The following MGLL variants were observed in gnomAD, a reference collection of about 807,000 sequenced individuals.
MGLL encodes the protein lysophospholipase homolog.
MGLL carries 7 observed loss-of-function variants against 29.1 expected under a neutral mutation model. The ratio of observed to expected loss-of-function variants is 0.24; its 90% CI spans 0.14 to 0.45. MGLL has a LOEUF of 0.45. Ranked by LOEUF, MGLL falls within the 20% of genes least tolerant of loss-of-function variation. The pLI is 0.99. For missense variants in MGLL, 356 were observed against 413.6 expected (o/e 0.86, Z 1.21); for synonymous variants, 148 against 168.3 (o/e 0.88, Z 0.93).
At chr3:127,812,693 G>A (rs1009457823) in intron 2 of MGLL, among the ~76,000 whole-genome samples, 9 of 152,178 alleles carry the variant, frequency 5.9e-5, no homozygotes, top group Non-Finnish European at 5.9e-5. Flanking sequence ...GAGATGAAGC[G>A]GACAAAGGAA....
At position 127,772,086 on chromosome 3, in the gene MGLL, T is replaced by C. The variant is rs7634912; in HGVS notation, c.262+9703A>G. The stretch of plus-strand genomic sequence containing the variant: ...GAGGAAGAAAGAAAACCTGCGTTTA[T>C]CAAACCCCAGGCCCCAAACCAAGCA... On this transcript the variant is annotated intron_variant, in intron 3 of 7. Transcript: ENST00000265052. Among the ~76,000 whole-genome samples the C allele has an allele frequency of 8.0e-3, 1,223 of 152,304 alleles. 17 individuals carry two copies. Among genetic ancestry groups the C allele is most frequent in the African/African-American group, 0.028 (1,169 of 41,550 alleles).
chr3:127,812,915 C>T (rs2077689090), intron 2 of MGLL, among the ~76,000 whole-genome samples: 2 of 152,180 alleles, frequency 1.3e-5, no homozygotes, highest in Non-Finnish European at 2.9e-5. Flanking sequence ...CTTCTGCATG[C>T]ACCATTGGCT....
At chr3:127,722,126 C>G (rs749685475) in intron 4 of MGLL, among the ~76,000 whole-genome samples, 7 of 152,170 alleles carry the variant, frequency 4.6e-5, no homozygotes, top group Non-Finnish European at 1.0e-4. Context: ...GCTATTCCCC[C>G]CTCCAAGAAG....
chr3:127,736,398 G>T, intron 3 of MGLL: 1 of 951,998 alleles, frequency 1.1e-6, no homozygotes, highest in Middle Eastern at 5.4e-4. Flanking sequence ...CAGCGAAAAA[G>T]AGTAATGAGT....
chr3:127,791,747 C>A (rs936127113), intron 2 of MGLL, among the ~76,000 whole-genome samples: 4 of 152,172 alleles, frequency 2.6e-5, no homozygotes, highest in Middle Eastern at 3.2e-3. Context: ...TTTGTTCTGC[C>A]CTCAAGGCAA....
chr3:127,804,286 C>A (rs1446349610), intron 2 of MGLL, among the ~76,000 whole-genome samples: 2 of 152,194 alleles, frequency 1.3e-5, no homozygotes, highest in African/African-American at 4.8e-5. Context: ...GCCCAGGAGG[C>A]CGGCAGTGAG....
At chr3:127,791,405 A>C (rs2077298414) in intron 2 of MGLL, 1 of 152,218 alleles carries the variant, frequency 6.6e-6, no homozygotes, top group African/African-American at 2.4e-5. Flanking sequence ...GGCTAACCAC[A>C]GTTCAGCTCA....
At chr3:127,748,550 GT>G in intron 3 of MGLL, among the ~76,000 whole-genome samples, 1 of 151,826 alleles carries the variant, frequency 6.6e-6, no homozygotes, top group East Asian at 1.9e-4. Context: ...CTTTGCCAAG[GT>G]AATGAAGTTA....
At chr3:127,791,037 C>T (rs1329865727) in intron 2 of MGLL, among the ~76,000 whole-genome samples, 1 of 152,170 alleles carries the variant, frequency 6.6e-6, no homozygotes, top group Non-Finnish European at 1.5e-5. Context: ...TGAGGTTGTG[C>T]TGTGCCTGCC....
At position 127,747,498 on chromosome 3, in the gene MGLL, A is replaced by G. The variant is rs557001921; in HGVS notation, c.263-24932T>C. ...TGGTGTCTTTGTATCTCCAGCACCT[A>G]GAAAGTACCAGGCCCACCACAGATT... On this transcript the variant is annotated intron_variant, in intron 3 of 7. Coordinates refer to ENST00000265052, the MANE Select transcript of MGLL (RefSeq NM_007283.7). Among the ~76,000 whole-genome samples the G allele has an allele frequency of 6.6e-5, 10 of 152,310 alleles. 1 individual carries two copies. In the South Asian group the frequency reaches 2.1e-3, roughly 32 times the overall value.
chr3:127,694,313 GTGTGTATATATATA>G (rs1335015915), intron 7 of MGLL, among the ~76,000 whole-genome samples: 2 of 95,078 alleles, frequency 2.1e-5, no homozygotes, highest in South Asian at 3.6e-4. Context: ...ATATATGTAT[GTGTGTATATATATA>G]TGTGTATATA....
chr3:127,723,276 G>A (rs532838295), intron 3 of MGLL, among the ~76,000 whole-genome samples: 8 of 152,242 alleles, frequency 5.3e-5, no homozygotes, highest in South Asian at 4.2e-4. Flanking sequence ...CTTCACATTC[G>A]GGCTGAAAGC....
intron 3 of MGLL, among the ~76,000 whole-genome samples, chr3:127,762,015 C>T (rs951736599): frequency 1.3e-5 from 2 of 152,014 alleles, no homozygotes; most frequent in African/African-American, 4.8e-5. Flanking sequence ...GATCCTGGCT[C>T]TACCACTCCT....
rs1179322768 is a variant in MGLL, at chr3:127,694,955, G to C, written c.816+20C>G. ...CCCCCCTCCACCTTGGGGGGAAGTGGGCAAGTGGCAGCCGCTCACCTTGAG... is the reference window on the plus strand; with the variant it reads ...CCCCCCTCCACCTTGGGGGGAAGTGCGCAAGTGGCAGCCGCTCACCTTGAG... On this transcript the variant is annotated intron_variant, in intron 7 of 7. Transcript: ENST00000265052. The C allele has an allele frequency of 1.2e-6, 2 of 1,611,500 alleles. No individual in the cohort carries two copies.
At chr3:127,751,265 C>T (rs552300123) in intron 3 of MGLL, among the ~76,000 whole-genome samples, 5 of 152,190 alleles carry the variant, frequency 3.3e-5, no homozygotes, top group South Asian at 2.1e-4. Context: ...CTGTCCATGC[C>T]GCTCTGCAAA....
intron 3 of MGLL, among the ~76,000 whole-genome samples, chr3:127,728,198 C>T (rs996396673): frequency 2.0e-5 from 3 of 152,090 alleles, no homozygotes; most frequent in African/African-American, 7.2e-5. Context: ...TCACTTCTAC[C>T]CCATCTCCTC....
intron 5 of MGLL, among the ~76,000 whole-genome samples, chr3:127,719,170 G>A: frequency 6.6e-6 from 1 of 152,236 alleles, no homozygotes; most frequent in African/African-American, 2.4e-5. Flanking sequence ...TTGCCCAGAA[G>A]TGCCCCCTCC....
At position 127,781,868 on chromosome 3, in the gene MGLL, G is replaced by C; in HGVS notation, c.183C>G (p.Ala61=). The change falls in exon 3 of 8, where the codon GCC becomes GCG. Residue 61 remains alanine, a synonymous_variant. Coordinates refer to ENST00000265052, the MANE Select transcript of MGLL (RefSeq NM_007283.7). ...PKALIFVSHG[A]GEHSGRYEEL... ...CTTCATAGCGGCCACTGTGCTCTCC[G>C]GCTCCATGGGACACAAAGATGAGGG... 6.2e-7 allele frequency: 1 copy of C among 1,613,982 alleles called. No homozygotes were observed. The highest frequency in any genetic ancestry group is 8.5e-7 in the Non-Finnish European group (1 of 1,179,972).
At chr3:127,808,134 A>T (rs1334656202) in intron 2 of MGLL, among the ~76,000 whole-genome samples, 2 of 152,116 alleles carry the variant, frequency 1.3e-5, no homozygotes, top group Non-Finnish European at 2.9e-5. Context: ...CAACATGACC[A>T]TAGCCCCCAA....
Sources: gnomAD v4.1 joint callset for allele counts (sites outside exome capture counted in the v4.1 genomes callset) on GRCh38, gnomAD v4.1.1 for gene constraint, MANE v1.5 for transcripts, NCBI Gene and HGNC (gene_info 2026-07-23, HGNC 2026-07-21) for gene names.